The following IQSEC3 variants were observed in gnomAD, a reference collection of about 807,000 sequenced individuals.
IQSEC3 encodes the protein IQ motif and SEC7 domain-containing protein 3.
A neutral mutation model predicts 105.4 loss-of-function variants in IQSEC3; 50 were observed. That is an observed-to-expected ratio of 0.47 (90% CI 0.38 to 0.60). The LOEUF (loss-of-function observed/expected upper bound fraction) is 0.60. IQSEC3 is among the 20% of genes least tolerant of loss of function. The pLI, the probability that IQSEC3 is intolerant of heterozygous loss-of-function variation, is 0.00. For missense variants in IQSEC3, 1,415 were observed against 1,630.0 expected (o/e 0.87, Z 2.27); for synonymous variants, 708 against 746.0 (o/e 0.95, Z 0.83).
chr12:120,497 A>G (rs1432476105), intron 2 of IQSEC3, among the ~76,000 whole-genome samples: 1 of 152,158 alleles, frequency 6.6e-6, no homozygotes, highest in Non-Finnish European at 1.5e-5. Context: ...TGCGGAAATC[A>G]GCTCTGAGGA....
intron 2 of IQSEC3, among the ~76,000 whole-genome samples, chr12:123,133 G>T (rs1258755247): frequency 1.3e-5 from 2 of 152,202 alleles, no homozygotes; most frequent in African/African-American, 4.8e-5. Context: ...GGCTGGGCAC[G>T]CTGGCTCATG....
intron 1 of IQSEC3, among the ~76,000 whole-genome samples, chr12:98,481 A>G (rs1864310123): frequency 6.6e-6 from 1 of 152,006 alleles, no homozygotes; most frequent in South Asian, 2.1e-4. Flanking sequence ...CGCTAGTTCA[A>G]CTCCCTTATT....
chr12:141,122 AG>A lies in IQSEC3; in HGVS notation c.1992-1del. On this transcript the variant is annotated splice_acceptor_variant, in intron 4 of 13. Coordinates refer to ENST00000538872, the MANE Select transcript of IQSEC3 (RefSeq NM_001170738.2). LOFTEE classifies it high-confidence loss of function. Reference sequence around the variant, plus strand: ...ACTGCTTCTCCCCACCCCCACCTCCAGAAACCCCGACAAGGGCATCCAGTTC... The same window carrying A: ...ACTGCTTCTCCCCACCCCCACCTCCAAAACCCCGACAAGGGCATCCAGTTC... The A allele has an allele frequency of 5.1e-6, 7 of 1,366,324 alleles. No homozygotes were observed. The highest frequency in any genetic ancestry group is 4.5e-5 in the South Asian group (3 of 65,950). The allele number at this position is 1,366,324 out of a possible 1,614,324, so 84.6% of individuals were successfully genotyped here. A position where few individuals can be genotyped will look rare whatever the true frequency, so the allele number is the denominator to read the frequency against.
chr12:83,698 C>T (rs542017273), intron 1 of IQSEC3, among the ~76,000 whole-genome samples: 10 of 36,196 alleles, frequency 2.8e-4, no homozygotes, highest in Non-Finnish European at 3.6e-4. Context: ...GATGGGAAGG[C>T]GGGCGGGGGA....
chr12:128,520 T>C (rs1555084123), intron 3 of IQSEC3, among the ~76,000 whole-genome samples: 1 of 147,686 alleles, frequency 6.8e-6, no homozygotes, highest in Non-Finnish European at 1.5e-5. Context: ...CTGGGAGGGG[T>C]GTTGGACAAT....
In IQSEC3 at chr12:138,166, G is replaced by A; in HGVS notation, c.904-101G>A. On this transcript the variant is annotated intron_variant, in intron 3 of 13. Coordinates refer to ENST00000538872, the MANE Select transcript of IQSEC3 (RefSeq NM_001170738.2). This position sits in a 1 kb window ranked among gnomAD's most constrained non-coding sequence, Gnocchi z 7.1. ...CGCCCCCCCGCCCCCGTCCATTCCT[G>A]GGCCCCACCCGAGTGTGGCCGGGTG... is the stretch of plus-strand genomic sequence containing the variant. 9.0e-7 allele frequency: 1 copy of A among 1,112,882 alleles called. No homozygotes were observed. Among genetic ancestry groups the A allele is most frequent in the Non-Finnish European group, 1.3e-6 (1 of 775,358 alleles). 68.9% of individuals were successfully genotyped at this position (1,112,882 alleles called of 1,614,324 possible).
chr12:157,730 C>T, intron 7 of IQSEC3, 36 bp downstream of exon 7: 2 of 1,591,292 alleles, frequency 1.3e-6, no homozygotes, highest in Non-Finnish European at 8.6e-7. Context: ...AGGGGCAAGG[C>T]CACGGCTCAG....
chr12:156,792 CCT>C (rs572301556), intron 5 of IQSEC3, among the ~76,000 whole-genome samples: 287 of 152,288 alleles, frequency 1.9e-3, no homozygotes, highest in African/African-American at 6.4e-3. Flanking sequence ...TCCCTCCACC[CCT>C]GTGTCCTGGG....
chr12:131,277 C>T (rs1865591833), intron 3 of IQSEC3, among the ~76,000 whole-genome samples: 1 of 152,236 alleles, frequency 6.6e-6, no homozygotes, highest in South Asian at 2.1e-4. Context: ...GCCATCATTC[C>T]TCCTGGTTCC....
chr12:100,478 C>T (rs987726889), intron 2 of IQSEC3, among the ~76,000 whole-genome samples: 9 of 152,114 alleles, frequency 5.9e-5, no homozygotes, highest in Non-Finnish European at 1.2e-4. Flanking sequence ...AGACAGCCAC[C>T]CCGTGAAAGG....
intron 1 of IQSEC3, among the ~76,000 whole-genome samples, chr12:86,525 A>G (rs149253607): frequency 6.6e-6 from 1 of 152,166 alleles, no homozygotes; most frequent in South Asian, 2.1e-4. Context: ...TGCTCATCAC[A>G]ATAAGCCTTC....
intron 2 of IQSEC3, among the ~76,000 whole-genome samples, chr12:102,700 T>C (rs1336579570): frequency 6.6e-6 from 1 of 151,978 alleles, no homozygotes; most frequent in Non-Finnish European, 1.5e-5. Context: ...TCAGGGGAAC[T>C]CTGTCTTGGG....
At position 139,100 on chromosome 12, in the gene IQSEC3, G is replaced by A. The variant is rs1555088149; in HGVS notation, c.1737G>A (p.Glu579=). 1 of 1,500,448 alleles carries A rather than the reference G, an allele frequency of 6.7e-7. No individual in the cohort carries two copies. The highest frequency in any genetic ancestry group is 2.2e-5 in the Admixed American group (1 of 45,356). The allele number at this position is 1,500,448 out of a possible 1,614,324, so 92.9% of individuals were successfully genotyped here. A position where few individuals can be genotyped will look rare whatever the true frequency, so the allele number is the denominator to read the frequency against. Residue 579 remains glutamate (E), a synonymous_variant, in exon 4 of 14, where the codon GAG becomes GAA. Transcript: ENST00000538872. ...PKTEEEEEEE[E]TAEVGRGAEA... The stretch of plus-strand genomic sequence containing the variant: ...CAGAGGAGGAAGAGGAGGAGGAGGA[G>A]ACGGCGGAGGTGGGGAGAGGGGCCG...
chr12:141,201 T>A lies in IQSEC3; in HGVS notation c.2069T>A (p.Leu690His), dbSNP rs782761714. 6.3e-7 allele frequency: 1 copy of A among 1,592,008 alleles called. No homozygotes were observed. The highest frequency in any genetic ancestry group is 1.1e-5 in the South Asian group (1 of 90,658). ...ACCCCCATCGGTGTGGCCCATTTCCTCCTCCAGCGAAAGGGCCTCAGCCGC... is the reference window on the plus strand; with the variant it reads ...ACCCCCATCGGTGTGGCCCATTTCCACCTCCAGCGAAAGGGCCTCAGCCGC... ...PDTPIGVAHF[L>H]LQRKGLSRQM... Residue 690 changes from leucine (L) to histidine (H), a missense_variant, in exon 5 of 14, where the codon CTC (leucine) becomes CAC (histidine). Around this residue, in one of 6 missense-constraint regions of IQSEC3, gnomAD observed 213 missense variants for 306.2 expected, o/e 0.70. Coordinates refer to ENST00000538872, the MANE Select transcript of IQSEC3 (RefSeq NM_001170738.2).
rs375068421 is a variant in IQSEC3 at position 171,360 on chromosome 12, C to T, written c.3114+199C>T. On this transcript the variant is annotated intron_variant, in intron 13 of 13. Coordinates refer to ENST00000538872, the MANE Select transcript of IQSEC3 (RefSeq NM_001170738.2). ...ACTGTTCCAGCGCCTAATTAAGCCA[C>T]GAGCTCTTTCTCCCCTTTCCCCAGC... The T allele has an allele frequency of 5.6e-5, 89 of 1,576,630 alleles. 1 individual carries two copies. The highest frequency in any genetic ancestry group is 5.2e-4 in the South Asian group (47 of 90,026).
intron 1 of IQSEC3, among the ~76,000 whole-genome samples, chr12:75,678 A>T (rs1344477598): frequency 6.6e-6 from 1 of 152,244 alleles, no homozygotes; most frequent in South Asian, 2.1e-4. Flanking sequence ...GGGAGATGAG[A>T]GTCAAACTCA....
chr12:169,290 G>A lies in IQSEC3; in HGVS notation c.3064+185G>A, dbSNP rs782794049. Among the ~76,000 whole-genome samples, 8 of 152,314 alleles carry A rather than the reference G, an allele frequency of 5.3e-5. 1 individual carries two copies. Among genetic ancestry groups the A allele is most frequent in the Middle Eastern group, 6.8e-3 (2 of 294 alleles). On this transcript the variant is annotated intron_variant, in intron 12 of 13. Coordinates refer to ENST00000538872, the MANE Select transcript of IQSEC3 (RefSeq NM_001170738.2). ...TAGTGGTGGGAGTGAGGAGGAAGGC[G>A]AGAGAGAAATGTGTCTGTCCATTTT...
chr12:149,581 C>T (rs1445935029), intron 5 of IQSEC3, among the ~76,000 whole-genome samples: 3 of 152,224 alleles, frequency 2.0e-5, no homozygotes, highest in Non-Finnish European at 2.9e-5. Context: ...TGATTGGGTG[C>T]CCATACACCA....
intron 2 of IQSEC3, among the ~76,000 whole-genome samples, chr12:109,045 AC>A (rs1555078786): frequency 6.6e-6 from 1 of 151,882 alleles, no homozygotes. Context: ...ACTTTTATAC[AC>A]CCCACCTCAA....
Sources: gnomAD v4.1 joint callset for allele counts (sites outside exome capture counted in the v4.1 genomes callset) on GRCh38, gnomAD v4.1.1 for gene constraint, gnomAD v4.1.1 regional missense constraint, Gnocchi (gnomAD v3.1) non-coding constraint, MANE v1.5 for transcripts, NCBI Gene and HGNC (gene_info 2026-07-23, HGNC 2026-07-21) for gene names.